The following LINGO2 variants were observed in gnomAD, a reference collection of about 807,000 sequenced individuals.
LINGO2 encodes the protein leucine-rich repeat and immunoglobulin-like domain-containing nogo receptor-interacting protein 2.
LINGO2 carries 14 observed loss-of-function variants against 30.6 expected under a neutral mutation model. That is an observed-to-expected ratio of 0.46 (90% CI 0.30 to 0.72). The LOEUF (loss-of-function observed/expected upper bound fraction) is 0.72, where lower values mean the gene tolerates loss of function less well. LINGO2 is among the 30% of genes least tolerant of loss of function. LINGO2 has a pLI of 0.07. For synonymous variants in LINGO2, 317 were observed against 288.5 expected (o/e 1.10, Z -1.00); for missense variants, 729 against 751.7 (o/e 0.97, Z 0.35).
At chr9:28,278,330 A>G (rs1823202120) in intron 4 of LINGO2, among the ~76,000 whole-genome samples, 1 of 152,214 alleles carries the variant, frequency 6.6e-6, no homozygotes, top group South Asian at 2.1e-4. Context: ...AATTACACCA[A>G]ACAATAGATT....
At chr9:28,180,799 G>C (rs945199609) in intron 4 of LINGO2, among the ~76,000 whole-genome samples, 5 of 151,942 alleles carry the variant, frequency 3.3e-5, no homozygotes, top group African/African-American at 9.7e-5. Flanking sequence ...AGAACCCCAA[G>C]AGTGTCACAT....
the LINGO2 span, among the ~76,000 whole-genome samples, chr9:29,150,829 G>C: frequency 6.6e-6 from 1 of 152,092 alleles, no homozygotes; most frequent in Non-Finnish European, 1.5e-5. Flanking sequence ...GCACATATAT[G>C]TAAGAATGTA....
At chr9:27,957,509 A>G (rs922919268) in intron 5 of LINGO2, among the ~76,000 whole-genome samples, 14 of 151,986 alleles carry the variant, frequency 9.2e-5, no homozygotes, top group Non-Finnish European at 1.3e-4. Context: ...GGCCAGGATG[A>G]TCTCGATCTC....
intron 4 of LINGO2, among the ~76,000 whole-genome samples, chr9:28,122,322 A>C (rs1827118506): frequency 6.6e-6 from 1 of 152,216 alleles, no homozygotes; most frequent in Non-Finnish European, 1.5e-5. Context: ...TGTTTTAACA[A>C]TTCATAGTGA....
chr9:28,066,364 C>G (rs1007772677), intron 4 of LINGO2, among the ~76,000 whole-genome samples: 17 of 152,196 alleles, frequency 1.1e-4, no homozygotes, highest in Middle Eastern at 3.4e-3. Context: ...GTCTGCTTAG[C>G]ATGATTATTA....
At chr9:28,953,730 T>A in the LINGO2 span, among the ~76,000 whole-genome samples, 1 of 152,138 alleles carries the variant, frequency 6.6e-6, no homozygotes, top group African/African-American at 2.4e-5. Context: ...TTACTGCTTT[T>A]AAAGTTATTG....
intron 3 of LINGO2, among the ~76,000 whole-genome samples, chr9:28,309,993 G>T (rs192431806): frequency 1.3e-4 from 20 of 152,078 alleles, no homozygotes; most frequent in Admixed American, 4.6e-4. Flanking sequence ...GATTAAAAAG[G>T]CTTATCTTAC....
At chr9:29,181,717 T>C in the LINGO2 span, among the ~76,000 whole-genome samples, 7,044 of 152,230 alleles carry the variant, frequency 0.046, 241 homozygotes, top group Admixed American at 0.082. Context: ...ATAGACTTTC[T>C]TGAGACAGTC....
intron 1 of LINGO2, among the ~76,000 whole-genome samples, chr9:28,509,868 G>C (rs1820300591): frequency 6.6e-6 from 1 of 152,208 alleles, no homozygotes; most frequent in Admixed American, 6.5e-5. Flanking sequence ...GTATAGTCTA[G>C]ATTTAACTTA....
chr9:28,371,629 T>C (rs1453501489), intron 3 of LINGO2, among the ~76,000 whole-genome samples: 2 of 152,154 alleles, frequency 1.3e-5, no homozygotes, highest in Non-Finnish European at 2.9e-5. Context: ...CCATAGTACC[T>C]TGTCACTGCA....
intron 5 of LINGO2, among the ~76,000 whole-genome samples, chr9:27,977,954 A>G (rs1378822612): frequency 2.0e-5 from 3 of 152,032 alleles, no homozygotes; most frequent in Non-Finnish European, 4.4e-5. Flanking sequence ...GGCTCTGCAA[A>G]CAAGCCCCAG....
Position 28,340,661 on chromosome 9 carries a change from G to A in LINGO2, c.-246+32175C>T, listed in dbSNP as rs186690319. On this transcript the variant is annotated intron_variant, in intron 3 of 5. Coordinates refer to ENST00000379992, the Ensembl canonical transcript of LINGO2. The stretch of plus-strand genomic sequence containing the variant: ...TTTATTCAAAACTCAAATAGTGGAT[G>A]TAAATGAGTAGAGTTTGGCTAATTT... Among the ~76,000 whole-genome samples, 386 of 152,234 alleles carry A rather than the reference G, an allele frequency of 2.5e-3. 1 individual carries two copies. The highest frequency in any genetic ancestry group is 0.014 in the Middle Eastern group (4 of 294).
intron 4 of LINGO2, among the ~76,000 whole-genome samples, chr9:28,196,014 C>T (rs1819997478): frequency 6.6e-6 from 1 of 151,452 alleles, no homozygotes; most frequent in Non-Finnish European, 1.5e-5. Context: ...ATATAATCAA[C>T]TATATTAATA....
chr9:28,345,015 C>T (rs979165222), intron 3 of LINGO2, among the ~76,000 whole-genome samples: 2 of 151,752 alleles, frequency 1.3e-5, no homozygotes, highest in Admixed American at 1.3e-4. Flanking sequence ...TTCACTGACT[C>T]AATATAAAAT....
the LINGO2 span, among the ~76,000 whole-genome samples, chr9:28,926,719 T>C: frequency 8.3e-4 from 127 of 152,360 alleles, no homozygotes; most frequent in African/African-American, 2.8e-3. Context: ...GGTGTTCTAC[T>C]TCATGCTCTA....
At chr9:29,049,301 A>G in the LINGO2 span, among the ~76,000 whole-genome samples, 1 of 152,186 alleles carries the variant, frequency 6.6e-6, no homozygotes. Context: ...CTTATATCCA[A>G]AAGACAGGCA....
At chr9:28,581,396 T>C (rs2135653572) in intron 1 of LINGO2, among the ~76,000 whole-genome samples, 1 of 151,950 alleles carries the variant, frequency 6.6e-6, no homozygotes, top group Non-Finnish European at 1.5e-5. Context: ...TTTCAGCTTT[T>C]TCTAAGTGTA....
intron 3 of LINGO2, among the ~76,000 whole-genome samples, chr9:28,372,594 C>T (rs1820946639): frequency 8.8e-6 from 1 of 113,316 alleles, no homozygotes; most frequent in South Asian, 3.9e-4. Context: ...AGTTCTATTG[C>T]ACAGCATGGT....
the LINGO2 span, among the ~76,000 whole-genome samples, chr9:28,851,392 C>T: frequency 6.6e-6 from 1 of 152,186 alleles, no homozygotes; most frequent in East Asian, 1.9e-4. Context: ...CTGGTTCTAT[C>T]TCTTCTGGTC....
Sources: allele counts gnomAD v4.1 joint callset (sites outside exome capture counted in the v4.1 genomes callset), GRCh38; gene constraint gnomAD v4.1.1; transcripts MANE v1.5; gene names NCBI Gene and HGNC (gene_info 2026-07-23, HGNC 2026-07-21).